MAST4: variants seen among roughly 807,000 people sequenced by gnomAD.
MAST4 encodes microtubule-associated serine/threonine-protein kinase 4.
In MAST4, 89 loss-of-function variants were observed where a neutral mutation model predicts 162.7. That is an observed-to-expected ratio of 0.55 (90% CI 0.46 to 0.65). The LOEUF (loss-of-function observed/expected upper bound fraction) is 0.65. Ranked by LOEUF, MAST4 falls within the 30% of genes least tolerant of loss-of-function variation. The pLI, the probability that MAST4 is intolerant of heterozygous loss-of-function variation, is 0.00. For missense variants in MAST4, 3,153 were observed against 3,374.0 expected, an observed-to-expected ratio of 0.93 and a Z score of 1.62; for synonymous variants, 1,479 against 1,361.1, an observed-to-expected ratio of 1.09 and a Z score of -1.91.
intron 3 of MAST4, among the ~76,000 whole-genome samples, chr5:66,895,433 A>G (rs1170726834): frequency 6.6e-6 from 1 of 152,070 alleles, no homozygotes; most frequent in Non-Finnish European, 1.5e-5. Flanking sequence ...TCTTGCACCC[A>G]GATTCGTTTG....
At chr5:67,065,279 G>A (rs775806221) in intron 5 of MAST4, among the ~76,000 whole-genome samples, 1 of 152,092 alleles carries the variant, frequency 6.6e-6, no homozygotes, top group Non-Finnish European at 1.5e-5. Flanking sequence ...GAACATGGTA[G>A]TCTGTGACAG....
chr5:67,165,231 G>C lies in MAST4; in HGVS notation c.6052G>C (p.Val2018Leu), dbSNP rs755426473. ...TSDNSKNLLS[V>L]GRTHPDFYTQ... is the part of the protein sequence containing the mutation. The stretch of plus-strand genomic sequence containing the variant: ...TGACAACTCCAAAAATCTCCTCTCT[G>C]TGGGAAGGACCCACCCAGATTTCTA... Residue 2018 changes from valine (V) to leucine (L), a missense_variant, in exon 29 of 29, where the codon GTG (valine) becomes CTG (leucine). By Grantham distance (32) the Val-to-Leu change is conservative (BLOSUM62 1). This residue lies in a region of MAST4 where 1,644 missense variants were observed against 1,495.0 expected (regional missense o/e 1.10). Coordinates refer to ENST00000403625, the MANE Select transcript of MAST4 (RefSeq NM_001164664.2). 10 of 1,612,404 alleles carry C rather than the reference G, an allele frequency of 6.2e-6. No homozygotes were observed. The South Asian group carries it at 6.6e-5, about 11-fold the overall frequency.
intron 1 of MAST4, among the ~76,000 whole-genome samples, chr5:66,613,392 A>T (rs1289052456): frequency 6.8e-6 from 1 of 146,134 alleles, no homozygotes; most frequent in East Asian, 2.0e-4. Flanking sequence ...TCTTTTGGTT[A>T]CTCATTACTC....
chr5:66,870,664 A>G (rs1373175072), intron 3 of MAST4: 2 of 384,200 alleles, frequency 5.2e-6, no homozygotes, highest in African/African-American at 4.2e-5. Flanking sequence ...AAAACAAAAT[A>G]CAGTGCCGTT....
At chr5:66,797,341 C>A (rs1176022576) in intron 3 of MAST4, among the ~76,000 whole-genome samples, 3 of 152,128 alleles carry the variant, frequency 2.0e-5, no homozygotes, top group Admixed American at 6.5e-5. Flanking sequence ...TATTGTGGCT[C>A]TGGGAAAACA....
At position 67,118,735 on chromosome 5, in the gene MAST4, GA is replaced by G; in HGVS notation, c.1646del (p.Asp549ValfsTer4). On this transcript the variant is annotated frameshift_variant, in exon 13 of 29. Coordinates refer to ENST00000403625, the MANE Select transcript of MAST4 (RefSeq NM_001164664.2). LOFTEE classifies it high-confidence loss of function. Reference sequence around the variant, plus strand: ...TGGGACAGCAGAAACACCAGAAACAGATGAATCAGTGAGTGTAAGTATATTT... The same window carrying G: ...TGGGACAGCAGAAACACCAGAAACAGTGAATCAGTGAGTGTAAGTATATTT... ...DSGTAETPET[D>X]ESVSSSNASL... 6.4e-7 allele frequency: 1 copy of G among 1,567,372 alleles called. No homozygotes were observed. Among genetic ancestry groups the G allele is most frequent in the Non-Finnish European group, 8.7e-7 (1 of 1,149,496 alleles).
chr5:66,716,799 A>G (rs1272924893), intron 1 of MAST4, among the ~76,000 whole-genome samples: 3 of 152,172 alleles, frequency 2.0e-5, no homozygotes, highest in Admixed American at 6.5e-5. Flanking sequence ...TTTTTTGGCT[A>G]TCACCTTGAC....
At chr5:66,853,285 C>T (rs28636) in intron 3 of MAST4, among the ~76,000 whole-genome samples, 36,431 of 152,042 alleles carry the variant, frequency 0.24, 4,481 homozygotes, top group East Asian at 0.33. Flanking sequence ...TAATAGGTCC[C>T]GTGTGTGTGT....
intron 1 of MAST4, among the ~76,000 whole-genome samples, chr5:66,723,908 C>T (rs1174903099): frequency 6.6e-6 from 1 of 152,102 alleles, no homozygotes; most frequent in Non-Finnish European, 1.5e-5. Flanking sequence ...GTGAAATTTA[C>T]GTCAGGCAGA....
intron 1 of MAST4, among the ~76,000 whole-genome samples, chr5:66,651,523 T>C (rs940168943): frequency 3.9e-5 from 6 of 152,116 alleles, no homozygotes; most frequent in African/African-American, 1.4e-4. Context: ...CAACCAATAG[T>C]GATTGTTACC....
chr5:66,720,290 CT>C (rs1322919687), intron 1 of MAST4, among the ~76,000 whole-genome samples: 1 of 151,926 alleles, frequency 6.6e-6, no homozygotes, highest in East Asian at 1.9e-4. Context: ...AATGGGGAAA[CT>C]TTCCTTGATT....
At chr5:66,882,134 A>G (rs1166614785) in intron 3 of MAST4, among the ~76,000 whole-genome samples, 1 of 152,072 alleles carries the variant, frequency 6.6e-6, no homozygotes. Context: ...TTTTATAGAT[A>G]CTCCCTTTCC....
intron 4 of MAST4, 28 bp from the exon 5 acceptor site, chr5:67,054,376 A>G: frequency 1.9e-6 from 3 of 1,563,108 alleles, no homozygotes; most frequent in Non-Finnish European, 2.6e-6. Flanking sequence ...ATTCTTTTTA[A>G]ACTTTGTTTT....
chr5:66,747,496 G>T (rs746923438), intron 1 of MAST4, among the ~76,000 whole-genome samples: 1 of 152,160 alleles, frequency 6.6e-6, no homozygotes, highest in Admixed American at 6.5e-5. Flanking sequence ...AAAGTGAATT[G>T]CAGTGAACAG....
chr5:66,895,953 T>A (rs928367907), intron 3 of MAST4, among the ~76,000 whole-genome samples: 1 of 152,188 alleles, frequency 6.6e-6, no homozygotes, highest in Non-Finnish European at 1.5e-5. Flanking sequence ...ATAACCTTAA[T>A]ACATTTGTCA....
chr5:66,816,443 A>G (rs771170241), intron 3 of MAST4, among the ~76,000 whole-genome samples: 12 of 152,180 alleles, frequency 7.9e-5, no homozygotes, highest in Non-Finnish European at 1.3e-4. Flanking sequence ...TATGATAAAT[A>G]TTACAGGAAC....
At chr5:67,095,314 C>T (rs536341213) in intron 6 of MAST4, among the ~76,000 whole-genome samples, 19 of 152,242 alleles carry the variant, frequency 1.2e-4, no homozygotes, top group African/African-American at 4.6e-4. Flanking sequence ...TGAGTCTGAC[C>T]ATTGTAATTA....
At chr5:66,981,734 T>C (rs1281326336) in intron 4 of MAST4, among the ~76,000 whole-genome samples, 1 of 152,116 alleles carries the variant, frequency 6.6e-6, no homozygotes, top group Non-Finnish European at 1.5e-5. Context: ...CCATTTAAAT[T>C]TGAGATTTCA....
intron 4 of MAST4, among the ~76,000 whole-genome samples, chr5:66,913,128 A>G (rs2150020676): frequency 6.6e-6 from 1 of 152,334 alleles, no homozygotes; most frequent in East Asian, 1.9e-4. Flanking sequence ...TTATTGAGAC[A>G]TAATTGGCAT....
Sources: allele counts gnomAD v4.1 joint callset (sites outside exome capture counted in the v4.1 genomes callset), GRCh38; gene constraint gnomAD v4.1.1; regional missense constraint gnomAD v4.1.1; transcripts MANE v1.5; gene names NCBI Gene and HGNC (gene_info 2026-07-23, HGNC 2026-07-21).